Variants in CFAP299 observed in about 807,000 individuals in gnomAD.
The protein encoded by CFAP299 is cilia- and flagella-associated protein 299.
Under a neutral mutation model 27.0 loss-of-function variants are expected in CFAP299, and 21 were observed. The ratio of observed to expected loss-of-function variants is 0.78; its 90% CI spans 0.55 to 1.12. The LOEUF is 1.12. CFAP299 is among the 50% of genes most tolerant of loss of function. The pLI, the probability that CFAP299 is intolerant of heterozygous loss-of-function variation, is 0.00. For synonymous variants in CFAP299, 104 were observed against 98.1 expected (o/e 1.06, Z -0.36); for missense variants, 310 against 276.6 (o/e 1.12, Z -0.86).
intron 5 of CFAP299, among the ~76,000 whole-genome samples, chr4:80,963,022 GA>G (rs913445804): frequency 4.8e-4 from 72 of 149,676 alleles, no homozygotes; most frequent in African/African-American, 1.6e-3. Flanking sequence ...TTTGAAGGAA[GA>G]AAAAAAAAGC....
At chr4:80,563,232 G>A (rs1182837697) in intron 2 of CFAP299, among the ~76,000 whole-genome samples, 2 of 152,044 alleles carry the variant, frequency 1.3e-5, no homozygotes, top group Non-Finnish European at 2.9e-5. Context: ...TCATCAAAGA[G>A]CTGCGGAATA....
intron 3 of CFAP299, among the ~76,000 whole-genome samples, chr4:80,693,484 G>T (rs1720878908): frequency 6.8e-6 from 1 of 148,132 alleles, no homozygotes; most frequent in African/African-American, 2.5e-5. Flanking sequence ...ACTCATAGGT[G>T]GGAACTGAAC....
In CFAP299 at chr4:80,712,064, G is replaced by C. The variant is rs778306216; in HGVS notation, c.333+128881G>C. Among the ~76,000 whole-genome samples the C allele has an allele frequency of 2.6e-5, 4 of 152,136 alleles. No homozygotes were observed. The East Asian group carries it at 7.7e-4, about 29-fold the overall frequency. ...GCTCATGATGTACTGCCAAGTGCACGTATCTCAAAAGTGTAATTAAGCTAA... is the reference window on the plus strand; with the variant it reads ...GCTCATGATGTACTGCCAAGTGCACCTATCTCAAAAGTGTAATTAAGCTAA... On this transcript the variant is annotated intron_variant, in intron 3 of 5. Coordinates refer to ENST00000358105, the MANE Select transcript of CFAP299 (RefSeq NM_152770.3).
At chr4:80,855,771 G>A (rs1443097238) in intron 3 of CFAP299, among the ~76,000 whole-genome samples, 2 of 152,190 alleles carry the variant, frequency 1.3e-5, no homozygotes, top group African/African-American at 4.8e-5. Context: ...ATTCCACGGT[G>A]TATATGTGCC....
Position 80,869,973 on chromosome 4 carries a change from T to C in CFAP299, c.334-20T>C, listed in dbSNP as rs752157389. 1.4e-5 allele frequency: 23 copies of C among 1,588,824 alleles called. No homozygotes were observed. Among genetic ancestry groups the C allele is most frequent in the Non-Finnish European group, 2.0e-5 (23 of 1,168,802 alleles). Reference sequence around the variant, plus strand: ...CAGCTCTTTTATATTTTTGTCTTATTCTCTATTCTGTGCTACCAGTCCGTG... The same window carrying C: ...CAGCTCTTTTATATTTTTGTCTTATCCTCTATTCTGTGCTACCAGTCCGTG... On this transcript the variant is annotated intron_variant, in intron 3 of 5. Coordinates refer to ENST00000358105, the MANE Select transcript of CFAP299 (RefSeq NM_152770.3).
intron 2 of CFAP299, among the ~76,000 whole-genome samples, chr4:80,469,222 T>G (rs1006862658): frequency 3.3e-5 from 5 of 152,220 alleles, no homozygotes; most frequent in East Asian, 3.8e-4. Flanking sequence ...CTGTGATATG[T>G]TTTCAGAGGT....
chr4:80,602,857 T>C (rs969127763), intron 3 of CFAP299, among the ~76,000 whole-genome samples: 1 of 152,168 alleles, frequency 6.6e-6, no homozygotes, highest in Non-Finnish European at 1.5e-5. Context: ...CCTTCTCTGC[T>C]GGAACACTGG....
chr4:80,495,195 G>GTTAGC (rs1204534063), intron 2 of CFAP299, among the ~76,000 whole-genome samples: 1 of 152,144 alleles, frequency 6.6e-6, no homozygotes. Flanking sequence ...GTTTTATAAT[G>GTTAGC]AAGTTAGCAA....
rs140187088 is a variant in CFAP299 at position 80,403,903 on chromosome 4, G to C, written c.242+41019G>C. ...TCACTTTTTGATTTAAGACTTGAGA[G>C]TGCCAGTTTTTATATGTATTATGAA... On this transcript the variant is annotated intron_variant, in intron 2 of 5. Coordinates refer to ENST00000358105, the MANE Select transcript of CFAP299 (RefSeq NM_152770.3). Among the ~76,000 whole-genome samples the C allele has an allele frequency of 3.5e-4, 53 of 152,208 alleles. No homozygotes were observed. In the East Asian group the frequency reaches 8.5e-3, roughly 24 times the overall value.
rs143693894 is a variant in CFAP299, at chr4:80,457,914, G to T, written c.242+95030G>T. 2.3e-3 allele frequency among the ~76,000 whole-genome samples: 344 copies of T among 152,218 alleles called. 2 individuals carry two copies. Among genetic ancestry groups the T allele is most frequent in the African/African-American group, 7.5e-3 (313 of 41,528 alleles). ...CTTCTGCATTTTCCAGTAAAAATCT[G>T]CCTTCTACTTTGAGACTTAACTCCC... On this transcript the variant is annotated intron_variant, in intron 2 of 5. Transcript: ENST00000358105.
chr4:80,386,882 G>A (rs1361450182), intron 2 of CFAP299: 3 of 843,676 alleles, frequency 3.6e-6, no homozygotes, highest in South Asian at 2.7e-5. Context: ...ATGCGGACTC[G>A]CACACCGAGC....
intron 2 of CFAP299, among the ~76,000 whole-genome samples, chr4:80,462,636 A>G (rs1729495308): frequency 1.3e-5 from 2 of 152,094 alleles, no homozygotes; most frequent in South Asian, 4.1e-4. Flanking sequence ...ATGTCTTCAT[A>G]GATTCTAAGT....
At chr4:80,915,699 G>A (rs1386247049) in intron 4 of CFAP299, among the ~76,000 whole-genome samples, 3 of 151,160 alleles carry the variant, frequency 2.0e-5, no homozygotes, top group Admixed American at 2.0e-4. Context: ...TTTTTTTATT[G>A]TTTCTATCAT....
intron 1 of CFAP299, among the ~76,000 whole-genome samples, chr4:80,358,078 C>G (rs1723360138): frequency 1.3e-5 from 2 of 152,016 alleles, no homozygotes; most frequent in Admixed American, 1.3e-4. Flanking sequence ...TTGATGTCTG[C>G]CTTAATTTCA....
intron 4 of CFAP299, among the ~76,000 whole-genome samples, chr4:80,921,634 G>A (rs76198184): frequency 0.079 from 11,969 of 152,084 alleles, 547 homozygotes; most frequent in Middle Eastern, 0.18. Context: ...TAGAATTTAT[G>A]CTATAGGTGA....
chr4:80,931,268 C>A (rs1285896353), intron 4 of CFAP299, among the ~76,000 whole-genome samples: 2 of 152,066 alleles, frequency 1.3e-5, no homozygotes, highest in Non-Finnish European at 2.9e-5. Context: ...AACAATTTTC[C>A]TGTAGGCCTG....
chr4:80,386,290 G>A, intron 2 of CFAP299: 2 of 1,252,606 alleles, frequency 1.6e-6, no homozygotes, highest in Non-Finnish European at 2.3e-6. Flanking sequence ...AGCTGTCCAG[G>A]TACCACCAGC....
chr4:80,564,687 AAAAG>A (rs1190730978), intron 2 of CFAP299, among the ~76,000 whole-genome samples: 1 of 151,988 alleles, frequency 6.6e-6, no homozygotes, highest in Non-Finnish European at 1.5e-5. Context: ...TCAGAAAAGA[AAAAG>A]AAATAAACGG....
chr4:80,903,345 A>G (rs1360891030), intron 4 of CFAP299, among the ~76,000 whole-genome samples: 1 of 152,126 alleles, frequency 6.6e-6, no homozygotes, highest in Non-Finnish European at 1.5e-5. Context: ...AAAGGTTTAC[A>G]TCTATTTATT....
Sources: gnomAD v4.1 joint callset for allele counts (sites outside exome capture counted in the v4.1 genomes callset) on GRCh38, gnomAD v4.1.1 for gene constraint, MANE v1.5 for transcripts, NCBI Gene and HGNC (gene_info 2026-07-23, HGNC 2026-07-21) for gene names.